The following CACNA2D3 variants were observed in gnomAD, a reference collection of about 807,000 sequenced individuals.
The protein encoded by CACNA2D3 is voltage-dependent calcium channel subunit alpha-2/delta-3.
CACNA2D3 carries 60 observed loss-of-function variants against 160.6 expected under a neutral mutation model. That is an observed-to-expected ratio of 0.37 (90% confidence interval 0.30 to 0.46). The LOEUF is 0.46. Among genes scored for constraint, CACNA2D3 ranks in the 20% least tolerant of loss-of-function variants. The pLI, the probability that CACNA2D3 is intolerant of heterozygous loss-of-function variation, is 1.00. For synonymous variants in CACNA2D3, 558 were observed against 492.9 expected, an observed-to-expected ratio of 1.13 and a Z score of -1.75; for missense variants, 1,205 against 1,365.0, an observed-to-expected ratio of 0.88 and a Z score of 1.85.
chr3:55,051,861 C>G (rs927711005), intron 35 of CACNA2D3, among the ~76,000 whole-genome samples: 1 of 152,108 alleles, frequency 6.6e-6, no homozygotes. Context: ...GGGAGTGACC[C>G]GATTTTCCAG....
At chr3:54,796,026 C>A (rs1359971112) in intron 13 of CACNA2D3, among the ~76,000 whole-genome samples, 1 of 152,150 alleles carries the variant, frequency 6.6e-6, no homozygotes, top group East Asian at 1.9e-4. Flanking sequence ...TATTAACAGA[C>A]CTCCCTTTCA....
rs967503309 is a variant in CACNA2D3, at chr3:54,122,653, G to GCGCAGCTCCC, written c.-57_-48dup. On this transcript the variant is annotated 5_prime_UTR_variant, in exon 1 of 38. Transcript: ENST00000474759. ...CGCGCGCTCGCCCACCGCCCGCTCCGCGCAGCTCCCCGCGGCCGCTCTCGT... is the reference window on the plus strand; with the variant it reads ...CGCGCGCTCGCCCACCGCCCGCTCCGCGCAGCTCCCCGCAGCTCCCCGCGGCCGCTCTCGT... 8 of 990,560 alleles carry GCGCAGCTCCC rather than the reference G, an allele frequency of 8.1e-6. No individual in the cohort carries two copies. In the South Asian group the frequency reaches 1.4e-4, roughly 17 times the overall value. 61.4% of individuals were successfully genotyped at this position (990,560 alleles called of 1,614,324 possible). A position where few individuals can be genotyped will look rare whatever the true frequency, so the allele number is the denominator to read the frequency against.
At chr3:54,879,258 G>C in intron 19 of CACNA2D3, 92 bp from the exon 20 acceptor site, 1 of 984,464 alleles carries the variant, frequency 1.0e-6, no homozygotes, top group Non-Finnish European at 1.5e-6. Context: ...ATCATAGTGT[G>C]TCCATTTATT....
intron 17 of CACNA2D3, among the ~76,000 whole-genome samples, chr3:54,863,433 G>A (rs897855926): frequency 6.6e-6 from 1 of 152,154 alleles, no homozygotes; most frequent in African/African-American, 2.4e-5. Context: ...AGAGTGTCCT[G>A]TTCTCTGTCC....
intron 11 of CACNA2D3, among the ~76,000 whole-genome samples, chr3:54,696,503 A>C (rs926481878): frequency 6.6e-6 from 1 of 152,110 alleles, no homozygotes; most frequent in Non-Finnish European, 1.5e-5. Context: ...TCCTTAGAAG[A>C]GGGTTTTTTT....
chr3:54,335,494 G>A (rs1704354087), intron 3 of CACNA2D3, among the ~76,000 whole-genome samples: 1 of 152,190 alleles, frequency 6.6e-6, no homozygotes, highest in Non-Finnish European at 1.5e-5. Flanking sequence ...GGTGCTGGTG[G>A]GATTGTAGCA....
intron 29 of CACNA2D3, among the ~76,000 whole-genome samples, chr3:54,975,841 C>T (rs904240018): frequency 6.6e-6 from 1 of 151,974 alleles, no homozygotes; most frequent in East Asian, 1.9e-4. Flanking sequence ...AGTCTAGGAA[C>T]CTATAATTGG....
At chr3:54,926,856 T>G (rs1223390140) in intron 27 of CACNA2D3, among the ~76,000 whole-genome samples, 2 of 151,674 alleles carry the variant, frequency 1.3e-5, no homozygotes, top group African/African-American at 2.4e-5. Flanking sequence ...TGGGAGAGGG[T>G]CTCTGGAATC....
chr3:54,994,446 G>C (rs1464363160), intron 31 of CACNA2D3, among the ~76,000 whole-genome samples: 1 of 152,144 alleles, frequency 6.6e-6, no homozygotes, highest in Non-Finnish European at 1.5e-5. Context: ...GCATTGAAGG[G>C]AACAAGGAGA....
chr3:54,801,225 T>C (rs2106671298), intron 13 of CACNA2D3, among the ~76,000 whole-genome samples: 1 of 152,250 alleles, frequency 6.6e-6, no homozygotes, highest in African/African-American at 2.4e-5. Flanking sequence ...TGACCTCAAG[T>C]GATCTGCCCA....
At chr3:54,641,707 A>G (rs973408810) in intron 10 of CACNA2D3, among the ~76,000 whole-genome samples, 3 of 152,106 alleles carry the variant, frequency 2.0e-5, no homozygotes, top group African/African-American at 4.8e-5. Flanking sequence ...AATTTTGTAT[A>G]TTATTGCTAC....
At chr3:54,382,581 G>C (rs1306622967) in intron 3 of CACNA2D3, among the ~76,000 whole-genome samples, 1 of 152,178 alleles carries the variant, frequency 6.6e-6, no homozygotes, top group African/African-American at 2.4e-5. Context: ...TCAGGAGTTC[G>C]AGACCAGCCT....
chr3:54,985,161 G>C (rs1323316577), intron 30 of CACNA2D3, among the ~76,000 whole-genome samples: 1 of 152,148 alleles, frequency 6.6e-6, no homozygotes, highest in Non-Finnish European at 1.5e-5. Context: ...AGGATTAACA[G>C]CTTGGGCTCT....
Position 54,874,649 on chromosome 3 carries a change from G to A in CACNA2D3, c.1710+3027G>A, listed in dbSNP as rs1699617882. 2.0e-5 allele frequency: 3 copies of A among 152,104 alleles called. 1 individual carries two copies. Among genetic ancestry groups the A allele is most frequent in the Admixed American group, 2.0e-4 (3 of 15,272 alleles). The allele number at this position is 152,104 out of a possible 1,614,324, so 9.4% of individuals were successfully genotyped here. A position where few individuals can be genotyped will look rare whatever the true frequency, so the allele number is the denominator to read the frequency against. On this transcript the variant is annotated intron_variant, in intron 18 of 37. Transcript: ENST00000474759. ...TTATCACAGTGAACCTATGAAATGG[G>A]TGTTTTATCTCCATTGTACAGGTGA...
intron 21 of CACNA2D3, among the ~76,000 whole-genome samples, chr3:54,883,020 T>C (rs1379050958): frequency 6.6e-6 from 1 of 152,180 alleles, no homozygotes; most frequent in Non-Finnish European, 1.5e-5. Context: ...CAACACTTTG[T>C]ATCTTTTTGT....
At chr3:54,461,447 T>C (rs2106843212) in intron 4 of CACNA2D3, among the ~76,000 whole-genome samples, 1 of 151,602 alleles carries the variant, frequency 6.6e-6, no homozygotes, top group South Asian at 2.1e-4. Context: ...ATTGCCACAA[T>C]TTCAGCTCCT....
At chr3:54,681,172 C>G (rs1248409614) in intron 11 of CACNA2D3, among the ~76,000 whole-genome samples, 1 of 151,752 alleles carries the variant, frequency 6.6e-6, no homozygotes, top group Non-Finnish European at 1.5e-5. Flanking sequence ...AGACAAAACT[C>G]TGACTTGTGA....
At chr3:55,006,991 A>G (rs1703110209) in intron 32 of CACNA2D3, among the ~76,000 whole-genome samples, 1 of 152,194 alleles carries the variant, frequency 6.6e-6, no homozygotes, top group Non-Finnish European at 1.5e-5. Context: ...GGGATTTGCC[A>G]GCGTCATTGT....
At chr3:54,692,041 C>T (rs1457319172) in intron 11 of CACNA2D3, among the ~76,000 whole-genome samples, 1 of 151,984 alleles carries the variant, frequency 6.6e-6, no homozygotes, top group African/African-American at 2.4e-5. Context: ...GTGGCGTGAC[C>T]TCGGCTCACT....
Sources: allele counts gnomAD v4.1 joint callset (sites outside exome capture counted in the v4.1 genomes callset), GRCh38; gene constraint gnomAD v4.1.1; transcripts MANE v1.5; gene names NCBI Gene and HGNC (gene_info 2026-07-23, HGNC 2026-07-21).